TCF7L1: variants seen among roughly 807,000 people sequenced by gnomAD.
The protein encoded by TCF7L1 is transcription factor 7 like 1.
TCF7L1 carries 18 observed loss-of-function variants against 63.7 expected under a neutral mutation model. That is an observed-to-expected ratio of 0.28 (90% CI 0.20 to 0.42). The LOEUF is 0.42. Ranked by LOEUF, TCF7L1 falls within the 10% of genes least tolerant of loss-of-function variation. TCF7L1 has a pLI of 1.00. For missense variants in TCF7L1, 654 were observed against 779.3 expected (o/e 0.84, Z 1.91); for synonymous variants, 355 against 340.9 (o/e 1.04, Z -0.46).
At chr2:85,301,411 C>T (rs1389096305) in intron 4 of TCF7L1, among the ~76,000 whole-genome samples, 1 of 152,168 alleles carries the variant, frequency 6.6e-6, no homozygotes, top group Non-Finnish European at 1.5e-5. Context: ...GTTTGTAATG[C>T]AGGGTTCAGT....
intron 4 of TCF7L1, among the ~76,000 whole-genome samples, chr2:85,286,027 A>C (rs1286221335): frequency 6.6e-6 from 1 of 152,008 alleles, no homozygotes; most frequent in Non-Finnish European, 1.5e-5. Context: ...TCCTGTCTCT[A>C]CTAAAAATAC....
At chr2:85,231,148 C>A (rs931870460) in intron 3 of TCF7L1, among the ~76,000 whole-genome samples, 3 of 152,174 alleles carry the variant, frequency 2.0e-5, no homozygotes, top group Non-Finnish European at 4.4e-5. Flanking sequence ...AATGTGCGCC[C>A]CCAGGAAGCC....
At chr2:85,234,261 G>A (rs1310148670) in intron 3 of TCF7L1, among the ~76,000 whole-genome samples, 2 of 150,082 alleles carry the variant, frequency 1.3e-5, no homozygotes, top group Non-Finnish European at 3.0e-5. Flanking sequence ...TCAGCCTCTC[G>A]AGTAGCTGGG....
intron 3 of TCF7L1, among the ~76,000 whole-genome samples, chr2:85,212,725 T>A (rs1007659259): frequency 6.6e-6 from 1 of 151,984 alleles, no homozygotes; most frequent in Non-Finnish European, 1.5e-5. Context: ...TGCAAATGGG[T>A]TTGGGTCTTG....
In TCF7L1 at chr2:85,159,077, G is replaced by A. The variant is rs569786820; in HGVS notation, c.441+24627G>A. Among the ~76,000 whole-genome samples, 15 of 152,314 alleles carry A rather than the reference G, an allele frequency of 9.8e-5. No individual in the cohort carries two copies. The South Asian group carries it at 2.5e-3, about 25-fold the overall frequency. On this transcript the variant is annotated intron_variant, in intron 3 of 11. Coordinates refer to ENST00000282111, the MANE Select transcript of TCF7L1 (RefSeq NM_031283.3). The stretch of plus-strand genomic sequence containing the variant: ...TGGTAGAGGAGGGCTTTGTAGCACC[G>A]TGGACAGTGCGGTTCAGCCTTCGAT...
intron 4 of TCF7L1, among the ~76,000 whole-genome samples, chr2:85,290,917 C>T (rs997436919): frequency 3.9e-5 from 6 of 152,230 alleles, no homozygotes; most frequent in Non-Finnish European, 7.3e-5. Flanking sequence ...GGAGCTGTGC[C>T]CCTGAGGCCC....
intron 4 of TCF7L1, 101 bp from the exon 5 acceptor site, chr2:85,302,383 T>C (rs1682002198): frequency 6.5e-7 from 1 of 1,532,146 alleles, no homozygotes; most frequent in Admixed American, 1.7e-5. Context: ...AATGGGATGT[T>C]GCCTGGAAAA....
chr2:85,207,817 T>C (rs1679445267), intron 3 of TCF7L1, among the ~76,000 whole-genome samples: 1 of 152,156 alleles, frequency 6.6e-6, no homozygotes, highest in South Asian at 2.1e-4. Context: ...CGTTAGGTGT[T>C]TTTGCCCAAC....
At chr2:85,182,996 G>T (rs570015557) in intron 3 of TCF7L1, among the ~76,000 whole-genome samples, 2 of 152,310 alleles carry the variant, frequency 1.3e-5, no homozygotes, top group Admixed American at 1.3e-4. Flanking sequence ...AGGGCTTCGT[G>T]GTTCCTCACT....
chr2:85,290,161 A>T (rs2104375971), intron 4 of TCF7L1, among the ~76,000 whole-genome samples: 1 of 151,744 alleles, frequency 6.6e-6, no homozygotes, highest in African/African-American at 2.4e-5. Context: ...GTATTTTTTT[A>T]GTAGAGACGG....
At chr2:85,149,308 T>C (rs1467214114) in intron 3 of TCF7L1, among the ~76,000 whole-genome samples, 1 of 124,902 alleles carries the variant, frequency 8.0e-6, no homozygotes, top group Non-Finnish European at 1.7e-5. Flanking sequence ...TGTGTATATA[T>C]GTATATACAC....
Position 85,134,123 on chromosome 2 carries a change from C to G in TCF7L1, c.313+44C>G. On this transcript the variant is annotated intron_variant, in intron 2 of 11. Coordinates refer to ENST00000282111, the MANE Select transcript of TCF7L1 (RefSeq NM_031283.3). The surrounding 1 kb of genome is among the most constrained non-coding windows in gnomAD (Gnocchi z 5.0). The stretch of plus-strand genomic sequence containing the variant: ...AGCCCCCCACTCTCGATTCCCGCTG[C>G]GCTCCGCTGCTCAGCCCGGGCGGCC... 1 of 1,599,908 alleles carries G rather than the reference C, an allele frequency of 6.3e-7. No homozygotes were observed. The highest frequency in any genetic ancestry group is 8.5e-7 in the Non-Finnish European group (1 of 1,173,968).
chr2:85,281,217 G>A (rs1396790109), intron 3 of TCF7L1, among the ~76,000 whole-genome samples: 2 of 152,060 alleles, frequency 1.3e-5, no homozygotes, highest in Admixed American at 1.3e-4. Flanking sequence ...AAGAGACGGG[G>A]TTTCACCATG....
chr2:85,304,244 C>T lies in TCF7L1; in HGVS notation c.762-11C>T, dbSNP rs191941178. ...TCCCAATATGCTGACCAGATTTCCT[C>T]CCCCTCACAGGCAAGGCCAGCCCAT... is the stretch of plus-strand genomic sequence containing the variant. On this transcript the variant is annotated splice_polypyrimidine_tract_variant and intron_variant, in intron 6 of 11. Coordinates refer to ENST00000282111, the MANE Select transcript of TCF7L1 (RefSeq NM_031283.3). 1,452 of 1,610,936 alleles carry T rather than the reference C, an allele frequency of 9.0e-4. 3 individuals carry two copies. Among genetic ancestry groups the T allele is most frequent in the Non-Finnish European group, 1.1e-3 (1,319 of 1,177,936 alleles).
chr2:85,173,326 G>C (rs1678597916), intron 3 of TCF7L1, among the ~76,000 whole-genome samples: 1 of 151,982 alleles, frequency 6.6e-6, no homozygotes, highest in Admixed American at 6.6e-5. Flanking sequence ...TGGGTACGGA[G>C]GGGGTGGGGG....
intron 3 of TCF7L1, among the ~76,000 whole-genome samples, chr2:85,197,784 C>T (rs77718305): frequency 0.026 from 3,935 of 152,318 alleles, 55 homozygotes; most frequent in Middle Eastern, 0.054. Flanking sequence ...AATGTTTCCT[C>T]TGCTGAGAGT....
At chr2:85,187,780 T>C (rs1459115359) in intron 3 of TCF7L1, among the ~76,000 whole-genome samples, 1 of 152,214 alleles carries the variant, frequency 6.6e-6, no homozygotes, top group Admixed American at 6.5e-5. Context: ...TTTTTCAAAA[T>C]AGTTTTGGCT....
chr2:85,198,645 A>G (rs1318706020), intron 3 of TCF7L1, among the ~76,000 whole-genome samples: 1 of 152,158 alleles, frequency 6.6e-6, no homozygotes, highest in Non-Finnish European at 1.5e-5. Context: ...GGGGAAAGTA[A>G]TAAAAATGAG....
chr2:85,234,620 G>A (rs1482301491), intron 3 of TCF7L1, among the ~76,000 whole-genome samples: 1 of 152,184 alleles, frequency 6.6e-6, no homozygotes, highest in African/African-American at 2.4e-5. Flanking sequence ...CCCATCTGCT[G>A]GAATTTATGT....
Sources: allele counts gnomAD v4.1 joint callset (sites outside exome capture counted in the v4.1 genomes callset), GRCh38; gene constraint gnomAD v4.1.1; non-coding constraint Gnocchi (gnomAD v3.1); transcripts MANE v1.5; gene names NCBI Gene and HGNC (gene_info 2026-07-23, HGNC 2026-07-21).